The following CNTN5 variants were observed in gnomAD, a reference collection of about 807,000 sequenced individuals.
CNTN5 encodes the protein contactin-5.
In CNTN5, 77 loss-of-function variants were observed where a neutral mutation model predicts 129.1. The ratio of observed to expected loss-of-function variants is 0.60; its 90% CI spans 0.50 to 0.72. CNTN5 has a LOEUF of 0.72. Ranked by LOEUF, CNTN5 falls within the 30% of genes least tolerant of loss-of-function variation. The pLI is 0.00. For missense variants in CNTN5, 1,478 were observed against 1,328.8 expected, an observed-to-expected ratio of 1.11 and a Z score of -1.75; for synonymous variants, 509 against 465.6, an observed-to-expected ratio of 1.09 and a Z score of -1.20.
At chr11:99,423,775 A>C (rs1329329964) in intron 2 of CNTN5, among the ~76,000 whole-genome samples, 2 of 152,064 alleles carry the variant, frequency 1.3e-5, no homozygotes, top group Non-Finnish European at 2.9e-5. Context: ...CCATTTGTCC[A>C]CAGTACAGGC....
At chr11:100,072,103 A>T (rs1312214644) in intron 12 of CNTN5, among the ~76,000 whole-genome samples, 2 of 152,138 alleles carry the variant, frequency 1.3e-5, no homozygotes, top group African/African-American at 4.8e-5. Flanking sequence ...TATAGCACTT[A>T]AAAAAATCAT....
chr11:100,281,680 C>A (rs1034536306), intron 18 of CNTN5, among the ~76,000 whole-genome samples: 5 of 151,494 alleles, frequency 3.3e-5, no homozygotes, highest in Non-Finnish European at 7.4e-5. Context: ...AAACTTCATA[C>A]CCCTATCTCT....
intron 7 of CNTN5, among the ~76,000 whole-genome samples, chr11:99,925,561 C>G (rs1950041855): frequency 6.6e-6 from 1 of 152,114 alleles, no homozygotes; most frequent in Non-Finnish European, 1.5e-5. Context: ...TAAATCTAAG[C>G]AACCCCTCAT....
chr11:100,152,731 T>C (rs561549775), intron 13 of CNTN5, among the ~76,000 whole-genome samples: 5 of 152,306 alleles, frequency 3.3e-5, no homozygotes, highest in African/African-American at 1.2e-4. Context: ...TTTTAATTAA[T>C]GTTAACTCAT....
At chr11:99,748,467 G>C (rs922165690) in intron 3 of CNTN5, among the ~76,000 whole-genome samples, 2 of 151,780 alleles carry the variant, frequency 1.3e-5, no homozygotes, top group Non-Finnish European at 2.9e-5. Flanking sequence ...TTTATAATAA[G>C]AATTAACTCA....
intron 2 of CNTN5, among the ~76,000 whole-genome samples, chr11:99,392,896 G>A (rs1941335299): frequency 1.3e-5 from 2 of 151,828 alleles, no homozygotes; most frequent in Non-Finnish European, 2.9e-5. Flanking sequence ...AGTAGAAATA[G>A]CATAGTTATA....
rs185484479 is a variant in CNTN5 at position 99,029,062 on chromosome 11, C to T, written c.-210+7792C>T. 2.0e-3 allele frequency among the ~76,000 whole-genome samples: 308 copies of T among 151,756 alleles called. 2 individuals carry two copies. The highest frequency in any genetic ancestry group is 8.7e-3 in the East Asian group (45 of 5,168). ...TTTGGACAAGTAAAATCTTTCTTTA[C>T]GTACAAAATACCTGTCATAATATTA... On this transcript the variant is annotated intron_variant, in intron 1 of 24. Transcript: ENST00000524871.
At chr11:99,032,474 T>C (rs1863446229) in intron 1 of CNTN5, among the ~76,000 whole-genome samples, 1 of 150,052 alleles carries the variant, frequency 6.7e-6, no homozygotes, top group Non-Finnish European at 1.5e-5. Context: ...TGGTGTGAGA[T>C]GGTATCTCAT....
chr11:99,966,119 G>C (rs1289901693), intron 8 of CNTN5, among the ~76,000 whole-genome samples: 2 of 152,042 alleles, frequency 1.3e-5, no homozygotes, highest in Non-Finnish European at 2.9e-5. Flanking sequence ...TGACCATAGA[G>C]CTGGCTAAAA....
intron 1 of CNTN5, among the ~76,000 whole-genome samples, chr11:99,040,685 A>G (rs1863950883): frequency 6.6e-6 from 1 of 152,176 alleles, no homozygotes; most frequent in East Asian, 1.9e-4. Flanking sequence ...ATCTGATGAC[A>G]TCAACCCATT....
chr11:99,925,585 G>C (rs1436312366), intron 7 of CNTN5, among the ~76,000 whole-genome samples: 2 of 152,104 alleles, frequency 1.3e-5, no homozygotes, highest in African/African-American at 2.4e-5. Flanking sequence ...CCTTGGCCTT[G>C]AGACTCCTTG....
chr11:99,589,552 T>C (rs1465763958), intron 3 of CNTN5, among the ~76,000 whole-genome samples: 2 of 152,218 alleles, frequency 1.3e-5, no homozygotes, highest in South Asian at 4.1e-4. Context: ...ATCTTGGGAA[T>C]ATGTTTTCTA....
intron 1 of CNTN5, among the ~76,000 whole-genome samples, chr11:99,030,850 G>C (rs377417766): frequency 6.8e-6 from 1 of 146,548 alleles, no homozygotes; most frequent in Admixed American, 7.0e-5. Flanking sequence ...GCGCGATCTC[G>C]GTTCACTGCA....
chr11:99,030,085 G>A (rs1441820354), intron 1 of CNTN5, among the ~76,000 whole-genome samples: 3 of 152,082 alleles, frequency 2.0e-5, no homozygotes, highest in African/African-American at 7.2e-5. Context: ...AAGAGCATGG[G>A]CTTCTTAGAC....
intron 14 of CNTN5, among the ~76,000 whole-genome samples, chr11:100,191,933 A>G (rs2138507344): frequency 6.6e-6 from 1 of 151,968 alleles, no homozygotes; most frequent in Non-Finnish European, 1.5e-5. Context: ...TTGAGTCTTT[A>G]ATTGTTTTCA....
chr11:99,205,687 AG>A (rs1386269321), intron 1 of CNTN5, among the ~76,000 whole-genome samples: 1 of 152,086 alleles, frequency 6.6e-6, no homozygotes, highest in Admixed American at 6.6e-5. Context: ...CCCACGCAAA[AG>A]GGTAACTATG....
At chr11:99,563,512 T>C (rs1016885514) in intron 3 of CNTN5, among the ~76,000 whole-genome samples, 4 of 152,336 alleles carry the variant, frequency 2.6e-5, no homozygotes, top group Admixed American at 2.6e-4. Context: ...CATATTGCCT[T>C]AGTTAGCTTT....
At chr11:99,610,165 T>C (rs766986209) in intron 3 of CNTN5, among the ~76,000 whole-genome samples, 8 of 152,160 alleles carry the variant, frequency 5.3e-5, no homozygotes, top group Non-Finnish European at 1.0e-4. Flanking sequence ...CTTAGCATAA[T>C]GTATGACATA....
At chr11:99,266,688 T>G (rs896764420) in intron 1 of CNTN5, among the ~76,000 whole-genome samples, 1 of 152,094 alleles carries the variant, frequency 6.6e-6, no homozygotes, top group Non-Finnish European at 1.5e-5. Flanking sequence ...AATGTATTAC[T>G]GTGACGTATA....
Sources: gnomAD v4.1 joint callset for allele counts (sites outside exome capture counted in the v4.1 genomes callset) on GRCh38, gnomAD v4.1.1 for gene constraint, MANE v1.5 for transcripts, NCBI Gene and HGNC (gene_info 2026-07-23, HGNC 2026-07-21) for gene names.